CAST: variants seen among roughly 807,000 people sequenced by gnomAD.
The protein encoded by CAST is calpastatin, also known as MIR583 host.
Under a neutral mutation model 119.6 loss-of-function variants are expected in CAST, and 76 were observed. The observed-to-expected ratio is 0.64, with a 90% CI of 0.53 to 0.77. The LOEUF is 0.77. CAST is among the 30% of genes least tolerant of loss of function. The pLI, the probability that CAST is intolerant of heterozygous loss-of-function variation, is 0.00. For missense variants in CAST, 953 were observed against 946.5 expected (o/e 1.01, Z -0.09); for synonymous variants, 319 against 331.6 (o/e 0.96, Z 0.41).
chr5:95,978,364 C>T, the CAST span, among the ~76,000 whole-genome samples: 54 of 152,322 alleles, frequency 3.5e-4, no homozygotes, highest in Middle Eastern at 0.01. Context: ...GATGATATCT[C>T]ATTATGGTTT....
At chr5:96,454,443 C>G in the CAST span, among the ~76,000 whole-genome samples, 1 of 152,236 alleles carries the variant, frequency 6.6e-6, no homozygotes, top group Non-Finnish European at 1.5e-5. Flanking sequence ...TGGCAACCGT[C>G]CCAGCCCTAT....
At chr5:96,020,942 C>T in the CAST span, among the ~76,000 whole-genome samples, 406 of 149,360 alleles carry the variant, frequency 2.7e-3, 1 homozygote, top group African/African-American at 9.6e-3. Flanking sequence ...ACATTTGTTT[C>T]ACATTCTATT....
At chr5:96,557,852 G>C (rs1746274634) in intron 1 of CAST, among the ~76,000 whole-genome samples, 1 of 152,156 alleles carries the variant, frequency 6.6e-6, no homozygotes, top group Non-Finnish European at 1.5e-5. Context: ...GCACCAAGCA[G>C]ACCTAACAGA....
intron 25 of CAST, among the ~76,000 whole-genome samples, chr5:96,764,739 GA>G (rs1235844676): frequency 4.6e-5 from 7 of 152,168 alleles, no homozygotes; most frequent in African/African-American, 1.7e-4. Context: ...CAGAACCAAA[GA>G]AACACTTACC....
the CAST span, among the ~76,000 whole-genome samples, chr5:96,267,377 A>C: frequency 6.6e-6 from 1 of 152,224 alleles, no homozygotes; most frequent in African/African-American, 2.4e-5. Flanking sequence ...AAGGCATATA[A>C]TAATCAAATT....
chr5:96,053,387 A>T, the CAST span, among the ~76,000 whole-genome samples: 2 of 151,494 alleles, frequency 1.3e-5, no homozygotes, highest in African/African-American at 4.9e-5. Flanking sequence ...ATTTTGTGAC[A>T]CTCTTTTGGC....
chr5:96,577,781 T>C (rs551655975), intron 1 of CAST, among the ~76,000 whole-genome samples: 108 of 152,324 alleles, frequency 7.1e-4, no homozygotes, highest in African/African-American at 2.5e-3. Context: ...GTCTGTTTTA[T>C]GGTCCAGCAT....
At chr5:96,101,283 T>C in the CAST span, among the ~76,000 whole-genome samples, 1 of 152,180 alleles carries the variant, frequency 6.6e-6, no homozygotes, top group African/African-American at 2.4e-5. Flanking sequence ...TGAATCTGAG[T>C]ATGAGGAACC....
At chr5:96,335,091 C>A in the CAST span, among the ~76,000 whole-genome samples, 1 of 152,202 alleles carries the variant, frequency 6.6e-6, no homozygotes. Flanking sequence ...CACCTTTCCT[C>A]TTGCAGGGGT....
intron 1 of CAST, among the ~76,000 whole-genome samples, chr5:96,566,922 T>C (rs1384256651): frequency 6.6e-6 from 1 of 152,198 alleles, no homozygotes; most frequent in Non-Finnish European, 1.5e-5. Flanking sequence ...CGTTTTGCTT[T>C]GTTTTGTTTC....
chr5:96,774,591 G>A lies in CAST; in HGVS notation c.*1975G>A. 1.0e-6 allele frequency: 1 copy of A among 985,458 alleles called. No homozygotes were observed. 61.0% of individuals were successfully genotyped at this position (985,458 alleles called of 1,614,324 possible). A position where few individuals can be genotyped will look rare whatever the true frequency, so the allele number is the denominator to read the frequency against. Reference sequence around the variant, plus strand: ...CTTTTCCAAAAGCAAACAAAGATAGGTTCCTCAGGTGACCAAAACTGAAAA... The same window carrying A: ...CTTTTCCAAAAGCAAACAAAGATAGATTCCTCAGGTGACCAAAACTGAAAA... On this transcript the variant is annotated 3_prime_UTR_variant, in exon 32 of 32. Transcript: ENST00000675179.
intron 22 of CAST, 48 bp from the exon 23 acceptor site, chr5:96,757,396 G>A (rs1283223245): frequency 1.3e-6 from 2 of 1,539,346 alleles, no homozygotes; most frequent in East Asian, 2.2e-5. Flanking sequence ...TCATACTTTG[G>A]ATAAAATGTA....
At chr5:96,749,654 C>G (rs1764547200) in intron 19 of CAST, among the ~76,000 whole-genome samples, 1 of 152,192 alleles carries the variant, frequency 6.6e-6, no homozygotes, top group Non-Finnish European at 1.5e-5. Flanking sequence ...CCAAGCAATT[C>G]TCTCGCCTCA....
the CAST span, among the ~76,000 whole-genome samples, chr5:96,512,531 G>T: frequency 6.1e-4 from 93 of 152,290 alleles, no homozygotes; most frequent in African/African-American, 2.2e-3. Flanking sequence ...GTCTCTTTGT[G>T]ACTTGGTATT....
intron 1 of CAST, among the ~76,000 whole-genome samples, chr5:96,588,005 C>A (rs1231310958): frequency 6.6e-6 from 1 of 152,026 alleles, no homozygotes; most frequent in African/African-American, 2.4e-5. Context: ...CTTACTGGCA[C>A]TCTAGCTGTA....
chr5:96,199,864 G>A, the CAST span, among the ~76,000 whole-genome samples: 1 of 152,062 alleles, frequency 6.6e-6, no homozygotes, highest in Non-Finnish European at 1.5e-5. Flanking sequence ...GCTTGTTTGA[G>A]CATTTAGTAC....
chr5:96,764,644 G>A (rs556000958), intron 25 of CAST, among the ~76,000 whole-genome samples: 5 of 152,088 alleles, frequency 3.3e-5, no homozygotes, highest in Non-Finnish European at 7.4e-5. Flanking sequence ...GCAGTGCCGA[G>A]CTCCATGGCT....
the CAST span, among the ~76,000 whole-genome samples, chr5:96,162,727 T>A: frequency 2.0e-5 from 3 of 152,340 alleles, no homozygotes; most frequent in South Asian, 2.1e-4. Flanking sequence ...CTGATTTTAA[T>A]GTTACATCAT....
chr5:96,263,293 T>A, the CAST span, among the ~76,000 whole-genome samples: 1 of 151,920 alleles, frequency 6.6e-6, no homozygotes, highest in Non-Finnish European at 1.5e-5. Flanking sequence ...GATAGGTAGA[T>A]CTGTGGGTGG....
Sources: allele counts gnomAD v4.1 joint callset (sites outside exome capture counted in the v4.1 genomes callset), GRCh38; gene constraint gnomAD v4.1.1; transcripts MANE v1.5; gene names NCBI Gene and HGNC (gene_info 2026-07-23, HGNC 2026-07-21).